Variants in SCNN1A observed in about 807,000 individuals in gnomAD.
SCNN1A encodes the protein epithelial sodium channel subunit alpha.
In SCNN1A, 65 loss-of-function variants were observed where a neutral mutation model predicts 68.6. That is an observed-to-expected ratio of 0.95 (90% CI 0.78 to 1.16). SCNN1A has a LOEUF of 1.16. Ranked by LOEUF, SCNN1A falls within the 50% of genes most tolerant of loss-of-function variation. The pLI, the probability that SCNN1A is intolerant of heterozygous loss-of-function variation, is 0.00. For synonymous variants in SCNN1A, 357 were observed against 353.3 expected, an observed-to-expected ratio of 1.01 and a Z score of -0.12; for missense variants, 880 against 865.9, an observed-to-expected ratio of 1.02 and a Z score of -0.20.
In SCNN1A at chr12:6,369,313, C is replaced by CTACGCACCTCCCTCCTGCCACCT. The variant is rs1195896984; in HGVS notation, c.416+5054_416+5055insAGGTGGCAGGAGGGAGGTGCGTA. Among the ~76,000 whole-genome samples the CTACGCACCTCCCTCCTGCCACCT allele has an allele frequency of 8.7e-5, 12 of 137,570 alleles. No individual in the cohort carries two copies. In the East Asian group the frequency reaches 2.5e-3, roughly 29 times the overall value. 90.3% of individuals were successfully genotyped at this position (137,570 alleles called of 152,430 possible). The stretch of plus-strand genomic sequence containing the variant: ...CCCTACTCACCTCCCTCCTGCCACC[C>CTACGCACCTCCCTCCTGCCACCT]TACGCACCTCCCTCCTGCCACCCTA... On this transcript the variant is annotated intron_variant, in intron 2 of 12. Transcript: ENST00000228916.
intron 2 of SCNN1A, among the ~76,000 whole-genome samples, chr12:6,369,058 C>T (rs1466867110): frequency 1.3e-5 from 2 of 152,124 alleles, no homozygotes; most frequent in Non-Finnish European, 2.9e-5. Context: ...TCCAGATCCC[C>T]CACTTGCCTG....
At position 6,374,676 on chromosome 12, in the gene SCNN1A, C is replaced by T. The variant is rs765101499; in HGVS notation, c.108G>A (p.Ala36=). ...CCTCCGCCGTGGGCTGCTGGGGCGC[C>T]GCAGGTTCGGGGCCCAGCCCCTGCT... The part of the protein sequence containing the change: ...REEQGLGPEP[A]APQQPTAEEE... The change falls in exon 2 of 13, where the codon GCG becomes GCA. Residue 36 remains alanine, a synonymous_variant. Transcript: ENST00000228916. This position sits in a 1 kb window ranked among gnomAD's most constrained non-coding sequence, Gnocchi z 6.2. The T allele has an allele frequency of 1.2e-5, 19 of 1,613,714 alleles. No homozygotes were observed. The highest frequency in any genetic ancestry group is 1.6e-4 in the Middle Eastern group (1 of 6,082).
upstream of SCNN1A, chr12:6,376,168 C>T: frequency 1.0e-6 from 1 of 985,824 alleles, no homozygotes; most frequent in Non-Finnish European, 1.2e-6. Context: ...AGGTCTCCTC[C>T]CCGCTCACTA....
At position 6,371,590 on chromosome 12, in the gene SCNN1A, A is replaced by G. The variant is rs1169365733; in HGVS notation, c.416+2778T>C. 2.0e-3 allele frequency among the ~76,000 whole-genome samples: 289 copies of G among 147,638 alleles called. 2 individuals carry two copies. The highest frequency in any genetic ancestry group is 6.6e-3 in the African/African-American group (264 of 39,772). Reference sequence around the variant, plus strand: ...GGGGTGGGGCGGGGGGCGGGGGATGATTTTTGAGTCCCAGTTTCACCACTT... The same window carrying G: ...GGGGTGGGGCGGGGGGCGGGGGATGGTTTTTGAGTCCCAGTTTCACCACTT... On this transcript the variant is annotated intron_variant, in intron 2 of 12. Coordinates refer to ENST00000228916, the MANE Select transcript of SCNN1A (RefSeq NM_001038.6).
In SCNN1A at chr12:6,374,618, G is replaced by C. The variant is rs778872550; in HGVS notation, c.166C>G (p.Arg56Gly). 1 of 1,613,720 alleles carries C rather than the reference G, an allele frequency of 6.2e-7. No homozygotes were observed. Among genetic ancestry groups the C allele is most frequent in the Non-Finnish European group, 8.5e-7 (1 of 1,179,900 alleles). Residue 56 changes from arginine (R) to glycine (G), a missense_variant, in exon 2 of 13, where the codon CGA (arginine) becomes GGA (glycine). Transcript: ENST00000228916. The surrounding 1 kb of genome is among the most constrained non-coding windows in gnomAD (Gnocchi z 6.2). ...EALIEFHRSY[R>G]ELFEFFCNNT... ...TTGCAGAAGAACTCGAAGAGCTCTC[G>C]GTAGGAGCGGTGGAACTCGATCAGG...
intron 2 of SCNN1A, among the ~76,000 whole-genome samples, chr12:6,369,317 GCA>G (rs1948740137): frequency 6.2e-5 from 7 of 113,240 alleles, no homozygotes; most frequent in African/African-American, 2.3e-4. Flanking sequence ...GCCACCCTAC[GCA>G]CCTCCCTCCT....
In SCNN1A at chr12:6,360,276, G is replaced by A. The variant is rs189620291; in HGVS notation, c.875+1775C>T. ...AATGAGGCTCTGAGCTGACCTAAGCGCCTAAGTGCCAAGATAAAGATGAAC... is the reference window on the plus strand; with the variant it reads ...AATGAGGCTCTGAGCTGACCTAAGCACCTAAGTGCCAAGATAAAGATGAAC... On this transcript the variant is annotated intron_variant, in intron 4 of 12. Transcript: ENST00000228916. Among the ~76,000 whole-genome samples, 540 of 152,246 alleles carry A rather than the reference G, an allele frequency of 3.5e-3. 7 individuals carry two copies. The highest frequency in any genetic ancestry group is 0.012 in the African/African-American group (509 of 41,566).
Position 6,355,762 on chromosome 12 carries a change from CAG to C in SCNN1A, c.979+13_979+14del, listed in dbSNP as rs911958310. On this transcript the variant is annotated intron_variant, in intron 5 of 12. Coordinates refer to ENST00000228916, the MANE Select transcript of SCNN1A (RefSeq NM_001038.6). ...GAAGCAGAGGGCGCCATGGAGCAAG[CAG>C]GGAGCTTCTCACCGTTGTTGATTCC... 1.2e-5 allele frequency: 19 copies of C among 1,559,754 alleles called. No individual in the cohort carries two copies. Among genetic ancestry groups the C allele is most frequent in the Non-Finnish European group, 1.6e-5 (18 of 1,130,738 alleles).
At chr12:6,368,706 C>T (rs985021659) in intron 2 of SCNN1A, among the ~76,000 whole-genome samples, 18 of 152,144 alleles carry the variant, frequency 1.2e-4, no homozygotes, top group South Asian at 2.1e-4. Flanking sequence ...CCCTCTGGTC[C>T]GTCCCTGCTA....
chr12:6,360,060 C>T (rs143519544), intron 4 of SCNN1A, among the ~76,000 whole-genome samples: 18 of 152,268 alleles, frequency 1.2e-4, no homozygotes, highest in African/African-American at 4.1e-4. Context: ...CATGAGCCAC[C>T]GTGCCCGGTG....
At chr12:6,348,639 A>T in intron 12 of SCNN1A, 88 bp downstream of exon 12, 1 of 1,164,948 alleles carries the variant, frequency 8.6e-7, no homozygotes, top group Non-Finnish European at 1.3e-6. Flanking sequence ...CTTCTGGCCC[A>T]CAGAGACAAC....
At position 6,374,288 on chromosome 12, in the gene SCNN1A, C is replaced by T. The variant is rs1948853793; in HGVS notation, c.416+80G>A. Reference sequence around the variant, plus strand: ...TCCCACCCTCAGGTCTGAGGCTCTGCCTGCCCAGTGAGCACCTCAGCACCC... The same window carrying T: ...TCCCACCCTCAGGTCTGAGGCTCTGTCTGCCCAGTGAGCACCTCAGCACCC... On this transcript the variant is annotated intron_variant, in intron 2 of 12. Coordinates refer to ENST00000228916, the MANE Select transcript of SCNN1A (RefSeq NM_001038.6). The surrounding 1 kb of genome is among the most constrained non-coding windows in gnomAD (Gnocchi z 6.2). The T allele has an allele frequency of 6.8e-7, 1 of 1,467,564 alleles. No homozygotes were observed. The allele number at this position is 1,467,564 out of a possible 1,614,324, so 90.9% of individuals were successfully genotyped here.
chr12:6,357,801 C>T (rs1360830454), intron 4 of SCNN1A, among the ~76,000 whole-genome samples: 2 of 152,052 alleles, frequency 1.3e-5, no homozygotes, highest in East Asian at 3.9e-4. Flanking sequence ...GAGTTTGAGA[C>T]CAGCCTGGCC....
upstream of SCNN1A, among the ~76,000 whole-genome samples, chr12:6,376,366 G>T (rs559233717): frequency 6.6e-6 from 1 of 152,360 alleles, no homozygotes; most frequent in East Asian, 1.9e-4. Context: ...CCAGGAATGT[G>T]TAATCGCCCC....
chr12:6,350,657 T>C (rs1186162791), intron 8 of SCNN1A, among the ~76,000 whole-genome samples: 2 of 151,644 alleles, frequency 1.3e-5, no homozygotes, highest in Non-Finnish European at 2.9e-5. Context: ...GCCAACATGG[T>C]GAAATCCAGT....
chr12:6,363,824 C>A (rs1015096702), intron 2 of SCNN1A, 114 bp from the exon 3 acceptor site: 13 of 971,270 alleles, frequency 1.3e-5, no homozygotes, highest in Non-Finnish European at 1.7e-5. Context: ...CCGGAGAAGC[C>A]TGGGCGGGGC....
chr12:6,375,358 G>C, intron 1 of SCNN1A, 147 bp downstream of exon 1: 1 of 1,455,600 alleles, frequency 6.9e-7, no homozygotes, highest in Admixed American at 2.6e-5. Flanking sequence ...CTGACCTCGA[G>C]CTGTGTCCTG....
chr12:6,352,047 G>C (rs547415715), intron 8 of SCNN1A, among the ~76,000 whole-genome samples: 1 of 152,116 alleles, frequency 6.6e-6, no homozygotes, highest in African/African-American at 2.4e-5. Flanking sequence ...CACTGTGCCT[G>C]GCTTGAGTGA....
At chr12:6,363,136 A>G (rs1224084908) in intron 3 of SCNN1A, among the ~76,000 whole-genome samples, 1 of 138,162 alleles carries the variant, frequency 7.2e-6, no homozygotes, top group Non-Finnish European at 1.6e-5. Flanking sequence ...GAAACAGTAA[A>G]ACAATAATAA....
Sources: allele counts gnomAD v4.1 joint callset (sites outside exome capture counted in the v4.1 genomes callset), GRCh38; gene constraint gnomAD v4.1.1; non-coding constraint Gnocchi (gnomAD v3.1); transcripts MANE v1.5; gene names NCBI Gene and HGNC (gene_info 2026-07-23, HGNC 2026-07-21).